The following ASCC3 variants were observed in gnomAD, a reference collection of about 807,000 sequenced individuals.
The protein encoded by ASCC3 is ASC-1 complex subunit P200.
A neutral mutation model predicts 256.3 loss-of-function variants in ASCC3; 158 were observed. The observed-to-expected ratio is 0.62, with a 90% confidence interval of 0.54 to 0.70. The LOEUF (loss-of-function observed/expected upper bound fraction) is 0.70, where lower values mean the gene tolerates loss of function less well. ASCC3 is among the 30% of genes least tolerant of loss of function. ASCC3 has a pLI of 0.00. For missense variants in ASCC3, 2,259 were observed against 2,626.0 expected (o/e 0.86, Z 3.05); for synonymous variants, 948 against 883.4 (o/e 1.07, Z -1.30).
At chr6:100,600,629 A>G (rs1423316953) in intron 34 of ASCC3, among the ~76,000 whole-genome samples, 1 of 152,126 alleles carries the variant, frequency 6.6e-6, no homozygotes, top group Non-Finnish European at 1.5e-5. Flanking sequence ...ATTTAGTAAG[A>G]ACATTTTCAT....
chr6:100,531,086 G>C, intron 37 of ASCC3: 1 of 1,280,556 alleles, frequency 7.8e-7, no homozygotes, highest in Non-Finnish European at 1.1e-6. Flanking sequence ...TACATAGTCT[G>C]TACAATAAAT....
At chr6:100,645,359 T>C (rs778343116) in intron 22 of ASCC3, among the ~76,000 whole-genome samples, 1 of 151,852 alleles carries the variant, frequency 6.6e-6, no homozygotes, top group Non-Finnish European at 1.5e-5. Context: ...ACATTATTAT[T>C]ATTATAATAA....
At chr6:100,526,144 G>A (rs1055207680) in intron 37 of ASCC3, among the ~76,000 whole-genome samples, 2 of 152,126 alleles carry the variant, frequency 1.3e-5, no homozygotes, top group African/African-American at 4.8e-5. Flanking sequence ...CTCAGCTGCT[G>A]TCTAACAAAC....
At chr6:100,510,195 G>C in intron 40 of ASCC3, 88 bp from the exon 41 acceptor site, 1 of 1,372,772 alleles carries the variant, frequency 7.3e-7, no homozygotes, top group African/African-American at 1.4e-5. Context: ...TGTCTTACTT[G>C]AAGGCCATAC....
At chr6:100,757,439 AC>A (rs1350266676) in intron 10 of ASCC3, among the ~76,000 whole-genome samples, 6 of 151,366 alleles carry the variant, frequency 4.0e-5, no homozygotes, top group Admixed American at 3.9e-4. Context: ...TACCAAAGTA[AC>A]AATAAAAATC....
At chr6:100,582,337 T>A (rs1217159988) in intron 36 of ASCC3, among the ~76,000 whole-genome samples, 1 of 152,076 alleles carries the variant, frequency 6.6e-6, no homozygotes, top group African/African-American at 2.4e-5. Flanking sequence ...TATTTTATTC[T>A]CTTTGAAGCA....
intron 20 of ASCC3, 63 bp downstream of exon 20, chr6:100,650,475 T>C: frequency 1.3e-6 from 2 of 1,541,788 alleles, no homozygotes; most frequent in Non-Finnish European, 1.8e-6. Context: ...CAGCATGAAT[T>C]AACACCTTGG....
intron 4 of ASCC3, among the ~76,000 whole-genome samples, chr6:100,835,295 C>T (rs1181723423): frequency 2.0e-5 from 3 of 151,960 alleles, no homozygotes; most frequent in Non-Finnish European, 2.9e-5. Flanking sequence ...TACAATTTGT[C>T]TATTTTTGCT....
chr6:100,512,859 C>A lies in ASCC3; in HGVS notation c.6135G>T (p.Ser2045=), dbSNP rs147694095. The change falls in exon 40 of 42, where the codon TCG becomes TCT. Residue 2045 remains serine, a synonymous_variant. Coordinates refer to ENST00000369162, the MANE Select transcript of ASCC3 (RefSeq NM_006828.4). The stretch of plus-strand genomic sequence containing the variant: ...TATGTCCTTCAACTAAGTCATCCCA[C>A]GAGCCTTTAACACTTATGCCAACAT... ...VINVGISVKG[S]WDDLVEGHNE... 15 of 1,613,864 alleles carry A rather than the reference C, an allele frequency of 9.3e-6. No homozygotes were observed. The East Asian group carries it at 3.1e-4, about 34-fold the overall frequency.
At chr6:100,749,351 C>T (rs546840058) in intron 10 of ASCC3, among the ~76,000 whole-genome samples, 7 of 152,002 alleles carry the variant, frequency 4.6e-5, no homozygotes, top group African/African-American at 1.7e-4. Flanking sequence ...AAACAATATA[C>T]AATCAACTTT....
intron 25 of ASCC3, among the ~76,000 whole-genome samples, chr6:100,635,723 T>C (rs1225728409): frequency 6.7e-6 from 1 of 148,672 alleles, no homozygotes. Flanking sequence ...AAAAATAATA[T>C]ATACTAGGAA....
At chr6:100,516,983 A>G (rs769872006) in intron 38 of ASCC3, among the ~76,000 whole-genome samples, 2 of 151,992 alleles carry the variant, frequency 1.3e-5, no homozygotes, top group East Asian at 1.9e-4. Flanking sequence ...CCCTACTCCC[A>G]TAACTTTTAT....
intron 16 of ASCC3, among the ~76,000 whole-genome samples, chr6:100,658,384 A>T (rs1052566938): frequency 2.6e-5 from 4 of 151,532 alleles, no homozygotes; most frequent in African/African-American, 9.7e-5. Context: ...ATGTATTTTT[A>T]AAAAATTGTT....
intron 11 of ASCC3, among the ~76,000 whole-genome samples, chr6:100,724,464 A>G (rs1395987477): frequency 6.6e-6 from 1 of 151,836 alleles, no homozygotes; most frequent in Admixed American, 6.6e-5. Context: ...TTTTTGGTAA[A>G]GACAGAAGGG....
intron 4 of ASCC3, among the ~76,000 whole-genome samples, chr6:100,814,482 C>CT (rs1344388897): frequency 6.6e-6 from 1 of 152,064 alleles, no homozygotes; most frequent in Non-Finnish European, 1.5e-5. Context: ...GGAGTCCCTC[C>CT]TCCCCATTTT....
intron 13 of ASCC3, among the ~76,000 whole-genome samples, chr6:100,685,356 T>C (rs1399389865): frequency 6.6e-6 from 1 of 152,174 alleles, no homozygotes. Context: ...TTGCTCTCAG[T>C]TCTTCTCGAC....
intron 37 of ASCC3, among the ~76,000 whole-genome samples, chr6:100,532,372 ATGTG>A (rs1167560882): frequency 4.1e-4 from 28 of 68,716 alleles, no homozygotes; most frequent in African/African-American, 1.5e-3. Context: ...GTGTGTGTGT[ATGTG>A]TGTATATATA....
chr6:100,637,015 G>A (rs1295733387), intron 25 of ASCC3, among the ~76,000 whole-genome samples: 1 of 152,164 alleles, frequency 6.6e-6, no homozygotes, highest in African/African-American at 2.4e-5. Context: ...AATTGATGAA[G>A]GTGGCTACAA....
intron 40 of ASCC3, among the ~76,000 whole-genome samples, 194 bp downstream of exon 40, chr6:100,512,515 G>T (rs79277554): frequency 0.015 from 2,329 of 152,276 alleles, 24 homozygotes; most frequent in East Asian, 0.044. Flanking sequence ...ATGTAAGGTA[G>T]ATTTTCTGGG....
Sources: allele counts gnomAD v4.1 joint callset (sites outside exome capture counted in the v4.1 genomes callset), GRCh38; gene constraint gnomAD v4.1.1; transcripts MANE v1.5; gene names NCBI Gene and HGNC (gene_info 2026-07-23, HGNC 2026-07-21).